The following IFI35 variants were observed in gnomAD, a reference collection of about 807,000 sequenced individuals.
IFI35 encodes interferon-induced 35 kDa protein.
A neutral mutation model predicts 28.6 loss-of-function variants in IFI35; 30 were observed. The observed-to-expected ratio is 1.05, with a 90% confidence interval of 0.79 to 1.43. The LOEUF (loss-of-function observed/expected upper bound fraction) is 1.43. Ranked by LOEUF, IFI35 falls within the 40% of genes most tolerant of loss-of-function variation. IFI35 has a pLI of 0.00. For synonymous variants in IFI35, 146 were observed against 154.8 expected (o/e 0.94, Z 0.42); for missense variants, 372 against 356.9 (o/e 1.04, Z -0.34).
chr17:43,010,171 C>T (rs920273394), intron 1 of IFI35, among the ~76,000 whole-genome samples: 2 of 150,098 alleles, frequency 1.3e-5, no homozygotes, highest in Non-Finnish European at 3.0e-5. Context: ...GGAGGCGAAG[C>T]TTGCAGTGAG....
chr17:43,008,555 G>A (rs1303357068), intron 1 of IFI35, among the ~76,000 whole-genome samples: 7 of 110,698 alleles, frequency 6.3e-5, no homozygotes, highest in African/African-American at 1.8e-4. Flanking sequence ...ATGGAGTCTC[G>A]CTCTGTCACC....
rs756341282 is a variant in IFI35 at position 43,014,216 on chromosome 17, C to A, written c.778C>A (p.Arg260Ser). 4.3e-6 allele frequency: 7 copies of A among 1,613,244 alleles called. No homozygotes were observed. Among genetic ancestry groups the A allele is most frequent in the South Asian group, 1.1e-5 (1 of 90,994 alleles). ...GGAGATCCACTTCCAGAAGCCCACC[C>A]GCGGGGGCGGGGAGGTAGAGGCCCT... is the stretch of plus-strand genomic sequence containing the variant. Reference protein sequence around the residue: ...VLEIHFQKPTRGGGEVEALTV... With the variant: ...VLEIHFQKPTSGGGEVEALTV... Residue 260 changes from arginine (R) to serine (S), a missense_variant, in exon 7 of 7, where the codon CGC (arginine) becomes AGC (serine). Transcript: ENST00000415816.
In IFI35 at chr17:43,010,552, T is replaced by C. The variant is rs987805075; in HGVS notation, c.22-1627T>C. Among the ~76,000 whole-genome samples, 137 of 152,320 alleles carry C rather than the reference T, an allele frequency of 9.0e-4. 1 individual carries two copies. The highest frequency in any genetic ancestry group is 7.8e-3 in the Admixed American group (119 of 15,286). ...TGGCTCTATTAACTCATTAATGTCA[T>C]CCAACTGGCCCTTAAAGGCACTGTG... On this transcript the variant is annotated intron_variant, in intron 1 of 6. Transcript: ENST00000415816.
chr17:43,008,554 C>T (rs540975859), intron 1 of IFI35, among the ~76,000 whole-genome samples: 15 of 121,742 alleles, frequency 1.2e-4, no homozygotes, highest in African/African-American at 4.1e-4. Flanking sequence ...GATGGAGTCT[C>T]GCTCTGTCAC....
intron 6 of IFI35, 32 bp from the exon 7 acceptor site, chr17:43,014,076 G>A (rs761409706): frequency 1.2e-6 from 2 of 1,605,994 alleles, no homozygotes; most frequent in South Asian, 1.1e-5. Flanking sequence ...CTTCTCCCAT[G>A]AGCCTTTGCC....
In IFI35 at chr17:43,013,682, C is replaced by T. The variant is rs373380963; in HGVS notation, c.562+20C>T. ...ATGGAGGTGAGGGCTATGCAGGCCT[C>T]CTGCAGGGGAGAGGGTATAGGGTGT... On this transcript the variant is annotated intron_variant, in intron 5 of 6. Transcript: ENST00000415816. 778 of 1,613,072 alleles carry T rather than the reference C, an allele frequency of 4.8e-4. No individual in the cohort carries two copies. The highest frequency in any genetic ancestry group is 6.4e-4 in the Non-Finnish European group (752 of 1,179,356).
chr17:43,011,150 G>A (rs868028190), intron 1 of IFI35, among the ~76,000 whole-genome samples: 15 of 152,162 alleles, frequency 9.9e-5, no homozygotes, highest in African/African-American at 3.4e-4. Context: ...GGTGGGCTCT[G>A]GAGTCAGACA....
In IFI35 at chr17:43,014,349, G is replaced by T. The variant is rs753998811; in HGVS notation, c.*50G>T. 6.4e-6 allele frequency: 9 copies of T among 1,405,782 alleles called. No individual in the cohort carries two copies. Among genetic ancestry groups the T allele is most frequent in the Non-Finnish European group, 7.7e-6 (8 of 1,043,042 alleles). The allele number at this position is 1,405,782 out of a possible 1,614,324, so 87.1% of individuals were successfully genotyped here. A position where few individuals can be genotyped will look rare whatever the true frequency, so the allele number is the denominator to read the frequency against. ...ACCCCCCCGCCAAGGTTCTCACACT[G>T]GCCTGGGCTTGGGTGCCCATATAGG... On this transcript the variant is annotated 3_prime_UTR_variant, in exon 7 of 7. Coordinates refer to ENST00000415816, the MANE Select transcript of IFI35 (RefSeq NM_001330230.2).
chr17:43,013,229 G>A lies in IFI35; in HGVS notation c.268+35G>A, dbSNP rs2050479199. On this transcript the variant is annotated intron_variant, in intron 3 of 6. Coordinates refer to ENST00000415816, the MANE Select transcript of IFI35 (RefSeq NM_001330230.2). ...TGGGGAGCCTCAGGAGGGAGGTGGG[G>A]AGGGTTCCCAGTACTGACCCTGTTT... 3 of 1,614,008 alleles carry A rather than the reference G, an allele frequency of 1.9e-6. No individual in the cohort carries two copies. The African/African-American group carries it at 4.0e-5, about 22-fold the overall frequency.
At position 43,013,304 on chromosome 17, in the gene IFI35, C is replaced by T. The variant is rs369524898; in HGVS notation, c.306C>T (p.Ile102=). The change falls in exon 4 of 7, where the codon ATC becomes ATT. Residue 102 remains isoleucine (I), a synonymous_variant. Coordinates refer to ENST00000415816, the MANE Select transcript of IFI35 (RefSeq NM_001330230.2). ...EQVLQQKEHT[I]NMEECRLRVQ... ...TGCTGCAACAAAAGGAGCACACGAT[C>T]AACATGGAGGAGTGCCGGCTGCGGG... 2.5e-6 allele frequency: 4 copies of T among 1,614,012 alleles called. No individual in the cohort carries two copies. Among genetic ancestry groups the T allele is most frequent in the African/African-American group, 1.3e-5 (1 of 74,910 alleles).
Position 43,013,070 on chromosome 17 carries a change from C to A in IFI35, c.144C>A (p.Ile48=), listed in dbSNP as rs1376459436. 6.2e-7 allele frequency: 1 copy of A among 1,614,062 alleles called. No homozygotes were observed. Among genetic ancestry groups the A allele is most frequent in the African/African-American group, 1.3e-5 (1 of 75,016 alleles). The change falls in exon 3 of 7, where the codon ATC becomes ATA. Residue 48 remains isoleucine, a synonymous_variant. Coordinates refer to ENST00000415816, the MANE Select transcript of IFI35 (RefSeq NM_001330230.2). ...KDKVPFSVPK[I]PLVFRGHTQQ... ...AGGTCCCATTTTCAGTGCCCAAGATCCCCCTGGTATTCCGAGGACACACCC... is the reference window on the plus strand; with the variant it reads ...AGGTCCCATTTTCAGTGCCCAAGATACCCCTGGTATTCCGAGGACACACCC...
At chr17:43,014,026 C>T (rs998816813) in intron 6 of IFI35, 82 bp from the exon 7 acceptor site, 5 of 1,425,092 alleles carry the variant, frequency 3.5e-6, no homozygotes, top group Non-Finnish European at 4.9e-6. Flanking sequence ...GACCTCATAC[C>T]CCCATGGGGC....
intron 1 of IFI35, among the ~76,000 whole-genome samples, chr17:43,010,390 C>T (rs2050447872): frequency 6.6e-6 from 1 of 152,086 alleles, no homozygotes; most frequent in Non-Finnish European, 1.5e-5. Flanking sequence ...GACTTTGTCT[C>T]AAAAAACAAA....
Position 43,007,847 on chromosome 17 carries a change from T to TTTTATATATATATATATATATATA in IFI35, c.21+880_21+881insTTATATATATATATATATATATAT, listed in dbSNP as rs1375752219. Among the ~76,000 whole-genome samples the TTTTATATATATATATATATATATA allele has an allele frequency of 4.1e-3, 488 of 118,780 alleles. 4 individuals carry two copies. Among genetic ancestry groups the TTTTATATATATATATATATATATA allele is most frequent in the Middle Eastern group, 8.3e-3 (2 of 242 alleles). The allele number at this position is 118,780 out of a possible 152,430, so 77.9% of individuals were successfully genotyped here. A position where few individuals can be genotyped will look rare whatever the true frequency, so the allele number is the denominator to read the frequency against. Reference sequence around the variant, plus strand: ...TCTCACACACACACACACACAAAATTTATATATATATATATATATATATAT... The same window carrying TTTTATATATATATATATATATATA: ...TCTCACACACACACACACACAAAATTTTTATATATATATATATATATATATATATATATATATATATATATATAT... On this transcript the variant is annotated intron_variant, in intron 1 of 6. Coordinates refer to ENST00000415816, the MANE Select transcript of IFI35 (RefSeq NM_001330230.2).
intron 1 of IFI35, among the ~76,000 whole-genome samples, chr17:43,008,813 G>A (rs867695662): frequency 2.4e-4 from 36 of 151,184 alleles, no homozygotes; most frequent in Middle Eastern, 6.9e-3. Flanking sequence ...GTGAGCCACC[G>A]TGCCCAGCAT....
rs201614442 is a variant in IFI35 at position 43,013,784 on chromosome 17, C to T, written c.571C>T (p.Arg191Cys). 1.7e-4 allele frequency: 268 copies of T among 1,613,108 alleles called. No individual in the cohort carries two copies. Among genetic ancestry groups the T allele is most frequent in the Middle Eastern group, 1.7e-4 (1 of 6,060 alleles). Reference protein sequence around the residue: ...LGFARDGVAQRLCQIGQFTVP... With the variant: ...LGFARDGVAQCLCQIGQFTVP... ...CTCCTTGCTCCCCACAGTGGCTCAG[C>T]GTCTGTGCCAAATCGGCCAGTTCAC... Residue 191 changes from arginine (R) to cysteine (C), a missense_variant, in exon 6 of 7, where the codon CGT becomes TGT. Transcript: ENST00000415816.
At chr17:43,009,537 G>A (rs1263290610) in intron 1 of IFI35, among the ~76,000 whole-genome samples, 5 of 151,546 alleles carry the variant, frequency 3.3e-5, no homozygotes, top group African/African-American at 9.7e-5. Flanking sequence ...GGTGGATCAC[G>A]AGGTCAAGAG....
At position 43,013,524 on chromosome 17, in the gene IFI35, G is replaced by A. The variant is rs1244782411; in HGVS notation, c.424G>A (p.Ala142Thr). ...GAGGGTGTTGGTCACTGGATTTCCTGCCAGCCTCAGGCTGAGTGAGGAGGA... is the reference window on the plus strand; with the variant it reads ...GAGGGTGTTGGTCACTGGATTTCCTACCAGCCTCAGGCTGAGTGAGGAGGA... ...GRRVLVTGFP[A>T]SLRLSEEELL... is the part of the protein sequence containing the mutation. The change falls in exon 5 of 7, where the codon GCC becomes ACC. Residue 142 changes from alanine (A) to threonine (T), a missense_variant. Coordinates refer to ENST00000415816, the MANE Select transcript of IFI35 (RefSeq NM_001330230.2). The A allele has an allele frequency of 6.2e-7, 1 of 1,614,038 alleles. No homozygotes were observed. The highest frequency in any genetic ancestry group is 8.5e-7 in the Non-Finnish European group (1 of 1,180,014).
intron 1 of IFI35, among the ~76,000 whole-genome samples, chr17:43,007,503 T>TAAA (rs777529685): frequency 1.8e-5 from 2 of 108,556 alleles, no homozygotes; most frequent in Admixed American, 2.0e-4. Flanking sequence ...AGACTCTGTC[T>TAAA]AAAAAAAAAA....
Sources: allele counts gnomAD v4.1 joint callset (sites outside exome capture counted in the v4.1 genomes callset), GRCh38; gene constraint gnomAD v4.1.1; transcripts MANE v1.5; gene names NCBI Gene and HGNC (gene_info 2026-07-23, HGNC 2026-07-21).